ATP9B: variants seen among roughly 807,000 people sequenced by gnomAD.
ATP9B encodes ATPase phospholipid transporting 9B.
A neutral mutation model predicts 146.1 loss-of-function variants in ATP9B; 110 were observed. The observed-to-expected ratio is 0.75, with a 90% CI of 0.65 to 0.88. The LOEUF (loss-of-function observed/expected upper bound fraction) is 0.88, where lower values mean the gene tolerates loss of function less well. Among genes scored for constraint, ATP9B ranks in the 40% least tolerant of loss-of-function variants. ATP9B has a pLI of 0.00. For missense variants in ATP9B, 1,499 were observed against 1,496.4 expected, an observed-to-expected ratio of 1.00 and a Z score of -0.03; for synonymous variants, 604 against 569.7, an observed-to-expected ratio of 1.06 and a Z score of -0.86.
At chr18:79,332,109 G>A (rs550368386) in intron 17 of ATP9B, among the ~76,000 whole-genome samples, 1 of 152,322 alleles carries the variant, frequency 6.6e-6, no homozygotes, top group African/African-American at 2.4e-5. Flanking sequence ...TTACAAGAAA[G>A]TAACTTAGAG....
At chr18:79,349,977 A>G (rs1398116302) in intron 25 of ATP9B, among the ~76,000 whole-genome samples, 1 of 138,650 alleles carries the variant, frequency 7.2e-6, no homozygotes. Flanking sequence ...TGCGTGCTCT[A>G]CAAGGACAAG....
chr18:79,352,836 G>T (rs1332271153), intron 25 of ATP9B: 2 of 152,204 alleles, frequency 1.3e-5, no homozygotes, highest in Non-Finnish European at 2.9e-5. Context: ...TGACATGATG[G>T]ACTTCATAAA....
chr18:79,186,990 C>T (rs539507146), intron 8 of ATP9B, among the ~76,000 whole-genome samples: 8 of 152,314 alleles, frequency 5.3e-5, no homozygotes, highest in South Asian at 4.1e-4. Context: ...TTCCTGCTCC[C>T]GCTCTCCAGC....
At chr18:79,071,175 A>C (rs2071723284) in intron 1 of ATP9B, among the ~76,000 whole-genome samples, 1 of 151,250 alleles carries the variant, frequency 6.6e-6, no homozygotes, top group South Asian at 2.1e-4. Context: ...CAATATACAA[A>C]TGTGACTTAT....
chr18:79,306,946 T>C (rs149127833), intron 14 of ATP9B, 40 bp from the exon 15 acceptor site: 2 of 1,604,474 alleles, frequency 1.2e-6, no homozygotes, highest in Non-Finnish European at 1.7e-6. Flanking sequence ...ATAGTTCTCT[T>C]TGCTCTATCT....
chr18:79,250,522 A>G (rs1204386935), intron 11 of ATP9B, among the ~76,000 whole-genome samples: 1 of 152,224 alleles, frequency 6.6e-6, no homozygotes, highest in African/African-American at 2.4e-5. Context: ...CCTTTGTCAC[A>G]GCAAAAGGAT....
chr18:79,300,336 C>G (rs1234414443), intron 13 of ATP9B, among the ~76,000 whole-genome samples: 3 of 152,112 alleles, frequency 2.0e-5, no homozygotes, highest in Non-Finnish European at 2.9e-5. Context: ...CACCTGGGTG[C>G]CCTCGTGTCA....
At chr18:79,262,727 C>T (rs1280937644) in intron 12 of ATP9B, among the ~76,000 whole-genome samples, 1 of 152,170 alleles carries the variant, frequency 6.6e-6, no homozygotes, top group East Asian at 1.9e-4. Context: ...ATACATGAAC[C>T]CTGAGGGTCC....
chr18:79,113,369 T>C lies in ATP9B; in HGVS notation c.558+15T>C, dbSNP rs763496965. On this transcript the variant is annotated intron_variant, in intron 4 of 29. Coordinates refer to ENST00000426216, the MANE Select transcript of ATP9B (RefSeq NM_198531.5). ...GGGCTCCTCTGGTAAGAAAAGACTT[T>C]AAAAATTAAGTTAAATTATGAAATA... is the stretch of plus-strand genomic sequence containing the variant. The C allele has an allele frequency of 2.2e-6, 3 of 1,387,266 alleles. No individual in the cohort carries two copies. Among genetic ancestry groups the C allele is most frequent in the Non-Finnish European group, 2.0e-6 (2 of 996,822 alleles). 85.9% of individuals were successfully genotyped at this position (1,387,266 alleles called of 1,614,324 possible). A position where few individuals can be genotyped will look rare whatever the true frequency, so the allele number is the denominator to read the frequency against.
At chr18:79,280,128 TCTTACAGTTGAATACTAA>T (rs1406660552) in intron 13 of ATP9B, among the ~76,000 whole-genome samples, 1 of 152,234 alleles carries the variant, frequency 6.6e-6, no homozygotes, top group African/African-American at 2.4e-5. Flanking sequence ...TGTGGAATGT[TCTTACAGTTGAATACTAA>T]ATAGCAGTGA....
chr18:79,199,762 GA>G (rs61015454), intron 9 of ATP9B, among the ~76,000 whole-genome samples: 59,075 of 138,204 alleles, frequency 0.43, 13,523 homozygotes, highest in Middle Eastern at 0.66. Flanking sequence ...GACTACATCT[GA>G]AAAAAAAAAA....
At chr18:79,189,103 C>T (rs1405422333) in intron 8 of ATP9B, among the ~76,000 whole-genome samples, 1 of 152,044 alleles carries the variant, frequency 6.6e-6, no homozygotes, top group East Asian at 1.9e-4. Flanking sequence ...AATCCCAGCA[C>T]TTTGGGAGGC....
At chr18:79,183,144 T>C (rs2095268964) in intron 8 of ATP9B, among the ~76,000 whole-genome samples, 1 of 152,240 alleles carries the variant, frequency 6.6e-6, no homozygotes, top group South Asian at 2.1e-4. Flanking sequence ...ATGCTATGGG[T>C]CATCCTTTCA....
intron 15 of ATP9B, among the ~76,000 whole-genome samples, chr18:79,313,685 T>G (rs1340884616): frequency 6.6e-6 from 1 of 152,222 alleles, no homozygotes. Flanking sequence ...AATTGGGAAT[T>G]CACAATAGAG....
chr18:79,151,996 C>A (rs1351979251), intron 6 of ATP9B, among the ~76,000 whole-genome samples: 3 of 152,000 alleles, frequency 2.0e-5, no homozygotes, highest in African/African-American at 7.3e-5. Flanking sequence ...TAAAACAACC[C>A]CATCAAAAAG....
intron 12 of ATP9B, among the ~76,000 whole-genome samples, chr18:79,272,896 A>G (rs879893210): frequency 7.2e-5 from 11 of 152,238 alleles, no homozygotes; most frequent in African/African-American, 7.2e-5. Context: ...TTAGGAATCA[A>G]TACAGGTAAA....
intron 9 of ATP9B, 47 bp from the exon 10 acceptor site, chr18:79,206,890 T>C (rs962064386): frequency 6.4e-7 from 1 of 1,569,038 alleles, no homozygotes; most frequent in African/African-American, 1.3e-5. Flanking sequence ...GTGTGAATAA[T>C]GAACAATCAT....
At chr18:79,258,334 G>T (rs983333870) in intron 12 of ATP9B, among the ~76,000 whole-genome samples, 9 of 152,140 alleles carry the variant, frequency 5.9e-5, no homozygotes, top group East Asian at 1.9e-4. Flanking sequence ...GGAGGCTGAG[G>T]CGGGAGGATT....
At chr18:79,125,482 A>C (rs2094268243) in intron 4 of ATP9B, among the ~76,000 whole-genome samples, 1 of 152,234 alleles carries the variant, frequency 6.6e-6, no homozygotes, top group African/African-American at 2.4e-5. Context: ...CAAAAAACTG[A>C]AATAAAAAAG....
Sources: allele counts gnomAD v4.1 joint callset (sites outside exome capture counted in the v4.1 genomes callset), GRCh38; gene constraint gnomAD v4.1.1; transcripts MANE v1.5; gene names NCBI Gene and HGNC (gene_info 2026-07-23, HGNC 2026-07-21).